PSIP1: variants seen among roughly 807,000 people sequenced by gnomAD.
The protein encoded by PSIP1 is PC4 and SFRS1-interacting protein.
PSIP1 carries 19 observed loss-of-function variants against 74.7 expected under a neutral mutation model. The ratio of observed to expected loss-of-function variants is 0.25; its 90% CI spans 0.18 to 0.37. The LOEUF is 0.37. Ranked by LOEUF, PSIP1 falls within the 10% of genes least tolerant of loss-of-function variation. The probability of loss-of-function intolerance (pLI) is 1.00; values close to 1 mark genes in which losing one functional copy is unlikely to be tolerated. For synonymous variants in PSIP1, 222 were observed against 195.3 expected (o/e 1.14, Z -1.14); for missense variants, 601 against 614.3 (o/e 0.98, Z 0.23).
At chr9:15,468,270 C>T (rs78054686) in intron 14 of PSIP1, 8,906 of 516,374 alleles carry the variant, frequency 0.017, 168 homozygotes, top group Non-Finnish European at 0.023. Context: ...GGCTACTGTA[C>T]GCTATTTTAC....
intron 9 of PSIP1, among the ~76,000 whole-genome samples, chr9:15,473,665 C>T (rs1433259005): frequency 1.3e-5 from 2 of 151,926 alleles, no homozygotes; most frequent in African/African-American, 4.8e-5. Flanking sequence ...CTTTGGGAGG[C>T]CAAGGTGGGA....
intron 8 of PSIP1, among the ~76,000 whole-genome samples, chr9:15,477,789 C>A (rs535452777): frequency 6.6e-6 from 1 of 152,044 alleles, no homozygotes; most frequent in Non-Finnish European, 1.5e-5. Context: ...AATTTACATA[C>A]AAAAATTATT....
At chr9:15,470,888 G>C (rs1258457401) in intron 10 of PSIP1, 102 of 1,082,552 alleles carry the variant, frequency 9.4e-5, no homozygotes, top group Non-Finnish European at 1.1e-4. Context: ...ATCTTCGTCT[G>C]AGCTTGTTAT....
intron 7 of PSIP1, 121 bp from the exon 8 acceptor site, chr9:15,478,673 C>G (rs142069573): frequency 3.0e-5 from 19 of 636,444 alleles, no homozygotes; most frequent in Non-Finnish European, 4.0e-5. Flanking sequence ...ATTACAGATA[C>G]AATTATTGCT....
At chr9:15,491,948 GA>G (rs560258212) in intron 3 of PSIP1, 190 of 152,278 alleles carry the variant, frequency 1.2e-3, no homozygotes, top group African/African-American at 4.5e-3. Context: ...CAACATGGGG[GA>G]AACCACCTCC....
At position 15,471,063 on chromosome 9, in the gene PSIP1, G is replaced by C. The variant is rs2035806203; in HGVS notation, c.978-1070C>G. 4 of 1,478,732 alleles carry C rather than the reference G, an allele frequency of 2.7e-6. No individual in the cohort carries two copies. The South Asian group carries it at 5.5e-5, about 20-fold the overall frequency. The allele number at this position is 1,478,732 out of a possible 1,614,324, so 91.6% of individuals were successfully genotyped here. A position where few individuals can be genotyped will look rare whatever the true frequency, so the allele number is the denominator to read the frequency against. On this transcript the variant is annotated intron_variant, in intron 10 of 15. Transcript: ENST00000380733. ...AATGAAGTCCTCAATTTAGAATCTG[G>C]AACATTCTTCCATCAATGGGGGGAA...
intron 3 of PSIP1, among the ~76,000 whole-genome samples, chr9:15,500,056 A>C (rs2037259361): frequency 2.6e-5 from 4 of 152,174 alleles, no homozygotes; most frequent in Admixed American, 2.6e-4. Context: ...ACAAAATATG[A>C]AAGTTTATTA....
intron 9 of PSIP1, among the ~76,000 whole-genome samples, chr9:15,473,051 C>CA (rs1039261206): frequency 1.3e-5 from 2 of 152,124 alleles, no homozygotes; most frequent in African/African-American, 2.4e-5. Flanking sequence ...CTGACAAGCA[C>CA]ACTACATGAC....
intron 3 of PSIP1, chr9:15,506,290 C>G: frequency 6.7e-6 from 2 of 297,192 alleles, no homozygotes; most frequent in East Asian, 5.9e-5. Flanking sequence ...CTTATTAAAA[C>G]TTTCCTTATG....
At position 15,469,277 on chromosome 9, in the gene PSIP1, T is replaced by C. The variant is rs776922635; in HGVS notation, c.1093A>G (p.Ile365Val). 6.4e-7 allele frequency: 1 copy of C among 1,557,988 alleles called. No homozygotes were observed. The highest frequency in any genetic ancestry group is 1.2e-5 in the South Asian group (1 of 85,618). ...IHAEIKNSLKIDNLDVNRCIE... is the reference protein window; with the variant it reads ...IHAEIKNSLKVDNLDVNRCIE... ...AGTTAAACACTTACAAGATTATCAATTTTGAGTGAATTTTTAATCTCAGCA... is the reference window on the plus strand; with the variant it reads ...AGTTAAACACTTACAAGATTATCAACTTTGAGTGAATTTTTAATCTCAGCA... Residue 365 changes from isoleucine to valine, a missense_variant, in exon 12 of 16, where the codon ATT becomes GTT. By Grantham distance (29) the Ile-to-Val change is conservative. Coordinates refer to ENST00000380733, the MANE Select transcript of PSIP1 (RefSeq NM_033222.5).
chr9:15,492,895 G>A (rs2036901188), intron 3 of PSIP1, among the ~76,000 whole-genome samples: 1 of 152,214 alleles, frequency 6.6e-6, no homozygotes, highest in South Asian at 2.1e-4. Flanking sequence ...TGGAGCAGCT[G>A]GGACACAGGG....
rs139433616 is a variant in PSIP1, at chr9:15,486,060, A to G, written c.402T>C (p.Thr134=). 2.2e-4 allele frequency: 353 copies of G among 1,603,266 alleles called. 3 individuals carry two copies. Among genetic ancestry groups the G allele is most frequent in the South Asian group, 2.2e-3 (195 of 89,270 alleles). ...HEEKASNEDV[T]KAVDITTPKA... is the part of the protein sequence containing the mutation. The stretch of plus-strand genomic sequence containing the variant: ...TTGGAGTAGTTATGTCAACTGCTTT[A>G]GTCACATCCTAAAAAAGAAAAAAGA... The change falls in exon 6 of 16, where the codon ACT becomes ACC. Residue 134 remains threonine, a synonymous_variant. Transcript: ENST00000380733.
intron 10 of PSIP1, chr9:15,470,897 A>G (rs2035795689): frequency 1.1e-6 from 1 of 948,736 alleles, no homozygotes; most frequent in South Asian, 4.8e-5. Context: ...TGAGCTTGTT[A>G]TTACTTTCAA....
chr9:15,481,223 A>G (rs1442434185), intron 6 of PSIP1, among the ~76,000 whole-genome samples: 1 of 152,174 alleles, frequency 6.6e-6, no homozygotes, highest in East Asian at 1.9e-4. Flanking sequence ...GTTTTTATAA[A>G]GCTCCCCAGG....
chr9:15,508,668 G>A (rs755919507), intron 2 of PSIP1, among the ~76,000 whole-genome samples: 1 of 152,130 alleles, frequency 6.6e-6, no homozygotes, highest in Non-Finnish European at 1.5e-5. Flanking sequence ...CCATGAAAAA[G>A]TATATCAGAG....
At chr9:15,465,943 G>A (rs143585043) in intron 15 of PSIP1, 7 of 185,440 alleles carry the variant, frequency 3.8e-5, no homozygotes, top group Non-Finnish European at 6.7e-5. Context: ...AAAAAGAGAG[G>A]TTGATACACA....
intron 3 of PSIP1, among the ~76,000 whole-genome samples, chr9:15,501,264 C>T (rs1291242582): frequency 6.6e-6 from 1 of 151,720 alleles, no homozygotes; most frequent in East Asian, 1.9e-4. Flanking sequence ...TTATCTAGTG[C>T]ACAAAGCTTT....
intron 8 of PSIP1, among the ~76,000 whole-genome samples, chr9:15,476,150 G>A (rs1393387313): frequency 6.6e-6 from 1 of 152,172 alleles, no homozygotes; most frequent in Non-Finnish European, 1.5e-5. Context: ...GCCAAGAGTA[G>A]TTACAGCTCA....
chr9:15,491,028 A>C (rs2036806526), intron 3 of PSIP1, among the ~76,000 whole-genome samples: 1 of 152,206 alleles, frequency 6.6e-6, no homozygotes, highest in African/African-American at 2.4e-5. Context: ...GGGGAAATAC[A>C]GGGTTAGGTT....
Sources: gnomAD v4.1 joint callset for allele counts (sites outside exome capture counted in the v4.1 genomes callset) on GRCh38, gnomAD v4.1.1 for gene constraint, MANE v1.5 for transcripts, NCBI Gene and HGNC (gene_info 2026-07-23, HGNC 2026-07-21) for gene names.